Variants in LRBA observed in about 807,000 individuals in gnomAD.
The protein encoded by LRBA is LPS responsive beige-like anchor protein.
A neutral mutation model predicts 330.0 loss-of-function variants in LRBA; 176 were observed. The ratio of observed to expected loss-of-function variants is 0.53; its 90% CI spans 0.47 to 0.60. LRBA has a LOEUF of 0.60. LRBA is among the 20% of genes least tolerant of loss of function. LRBA has a pLI of 0.00. For missense variants in LRBA, 3,259 were observed against 3,444.8 expected (o/e 0.95, Z 1.35); for synonymous variants, 1,230 against 1,193.0 (o/e 1.03, Z -0.64).
chr4:150,708,968 C>T (rs971543044), intron 36 of LRBA, among the ~76,000 whole-genome samples: 6 of 151,768 alleles, frequency 4.0e-5, no homozygotes, highest in Non-Finnish European at 7.4e-5. Context: ...TCTGGCTTGG[C>T]TATTCATGAC....
At chr4:150,804,338 C>T (rs1163606762) in intron 33 of LRBA, among the ~76,000 whole-genome samples, 1 of 152,068 alleles carries the variant, frequency 6.6e-6, no homozygotes, top group Non-Finnish European at 1.5e-5. Context: ...CGCTCATCAC[C>T]AACTCCATTT....
intron 39 of LRBA, among the ~76,000 whole-genome samples, chr4:150,589,282 T>G (rs1321167479): frequency 6.6e-6 from 1 of 152,118 alleles, no homozygotes; most frequent in Non-Finnish European, 1.5e-5. Flanking sequence ...TTTCCATCGA[T>G]TGTTAGAAGG....
intron 30 of LRBA, among the ~76,000 whole-genome samples, chr4:150,822,696 G>A (rs545048779): frequency 1.5e-4 from 23 of 152,162 alleles, no homozygotes; most frequent in Non-Finnish European, 2.6e-4. Context: ...TGAGGCTGCA[G>A]TGAGCTATGA....
chr4:150,329,865 A>T (rs1473248608), intron 48 of LRBA, among the ~76,000 whole-genome samples: 1 of 152,198 alleles, frequency 6.6e-6, no homozygotes, highest in Admixed American at 6.6e-5. Context: ...AAAGTCACTA[A>T]GCCCAATCAC....
chr4:150,810,980 A>G (rs1245382965), intron 31 of LRBA, among the ~76,000 whole-genome samples: 1 of 152,206 alleles, frequency 6.6e-6, no homozygotes, highest in Admixed American at 6.5e-5. Context: ...GTTTTTCACA[A>G]TAAAATTTCA....
At chr4:150,344,837 C>T (rs1293198280) in intron 48 of LRBA, among the ~76,000 whole-genome samples, 1 of 150,326 alleles carries the variant, frequency 6.7e-6, no homozygotes, top group African/African-American at 2.4e-5. Flanking sequence ...AGGTGTGAGC[C>T]ACCATGCCCT....
At chr4:150,721,974 G>A (rs1728998209) in intron 36 of LRBA, among the ~76,000 whole-genome samples, 1 of 152,104 alleles carries the variant, frequency 6.6e-6, no homozygotes, top group Non-Finnish European at 1.5e-5. Flanking sequence ...CATGTCCTTG[G>A]TCTGTGTTCC....
At chr4:150,646,383 C>G (rs750248330) in intron 37 of LRBA, among the ~76,000 whole-genome samples, 18 of 151,934 alleles carry the variant, frequency 1.2e-4, no homozygotes, top group Non-Finnish European at 2.5e-4. Flanking sequence ...AATAAATCTA[C>G]CAAACAGAAG....
intron 40 of LRBA, among the ~76,000 whole-genome samples, chr4:150,509,425 G>A (rs1052624105): frequency 6.6e-6 from 1 of 151,952 alleles, no homozygotes; most frequent in Non-Finnish European, 1.5e-5. Flanking sequence ...GAAATTTACA[G>A]CACTAAATGC....
At chr4:150,915,809 T>C (rs1356603031) in intron 7 of LRBA, 82 bp from the exon 8 acceptor site, 3 of 1,051,946 alleles carry the variant, frequency 2.9e-6, no homozygotes, top group East Asian at 5.7e-5. Flanking sequence ...AAAAGTTAAA[T>C]GATAAGTTGT....
At chr4:150,707,052 T>G (rs547716421) in intron 36 of LRBA, among the ~76,000 whole-genome samples, 1 of 151,878 alleles carries the variant, frequency 6.6e-6, no homozygotes, top group East Asian at 1.9e-4. Context: ...ATTTATAATA[T>G]GCTAGCATTC....
At chr4:150,769,374 G>A (rs927454446) in intron 34 of LRBA, among the ~76,000 whole-genome samples, 2 of 152,104 alleles carry the variant, frequency 1.3e-5, no homozygotes, top group East Asian at 3.9e-4. Context: ...AGAGAGAAGA[G>A]ATTATAAGGA....
intron 50 of LRBA, among the ~76,000 whole-genome samples, chr4:150,319,574 A>C (rs560977504): frequency 1.3e-5 from 2 of 152,328 alleles, no homozygotes; most frequent in African/African-American, 4.8e-5. Context: ...CTGTAAGAGA[A>C]GTTTACTTAA....
At chr4:150,720,533 C>T (rs1412391346) in intron 36 of LRBA, among the ~76,000 whole-genome samples, 1 of 151,860 alleles carries the variant, frequency 6.6e-6, no homozygotes, top group African/African-American at 2.4e-5. Flanking sequence ...AATGTACTTA[C>T]TGGTGGAAAA....
At chr4:150,927,271 G>A (rs962600134) in intron 4 of LRBA, among the ~76,000 whole-genome samples, 22 of 151,658 alleles carry the variant, frequency 1.5e-4, no homozygotes, top group Non-Finnish European at 2.6e-4. Context: ...TACTTGGGAG[G>A]CTGAGGCAGG....
At chr4:150,523,232 C>T (rs1763115271) in intron 40 of LRBA, among the ~76,000 whole-genome samples, 1 of 152,084 alleles carries the variant, frequency 6.6e-6, no homozygotes, top group Non-Finnish European at 1.5e-5. Context: ...GTCTGAATTT[C>T]CCCCAAAATT....
chr4:150,710,490 T>C (rs77702491), intron 36 of LRBA, among the ~76,000 whole-genome samples: 194 of 151,744 alleles, frequency 1.3e-3, no homozygotes, highest in Middle Eastern at 0.01. Context: ...AAACAAATGC[T>C]AACAAAAATA....
intron 52 of LRBA, among the ~76,000 whole-genome samples, chr4:150,309,633 A>G (rs1340807572): frequency 6.6e-6 from 1 of 152,174 alleles, no homozygotes; most frequent in Non-Finnish European, 1.5e-5. Context: ...AGTAATACTG[A>G]GCTCAGCTTG....
intron 34 of LRBA, among the ~76,000 whole-genome samples, chr4:150,791,116 T>C (rs561442568): frequency 1.7e-4 from 26 of 152,328 alleles, no homozygotes; most frequent in African/African-American, 6.0e-4. Context: ...TATATTCTTT[T>C]CATGGAACAA....
Sources: gnomAD v4.1 joint callset for allele counts (sites outside exome capture counted in the v4.1 genomes callset) on GRCh38, gnomAD v4.1.1 for gene constraint, MANE v1.5 for transcripts, NCBI Gene and HGNC (gene_info 2026-07-23, HGNC 2026-07-21) for gene names.